Variants in KHDRBS2 observed in about 807,000 individuals in gnomAD.
KHDRBS2 encodes KH RNA binding domain containing, signal transduction associated 2.
Under a neutral mutation model 44.3 loss-of-function variants are expected in KHDRBS2, and 26 were observed. That is an observed-to-expected ratio of 0.59 (90% CI 0.43 to 0.81). The LOEUF (loss-of-function observed/expected upper bound fraction) is 0.81, where lower values mean the gene tolerates loss of function less well. KHDRBS2 is among the 40% of genes least tolerant of loss of function. KHDRBS2 has a pLI of 0.00. For synonymous variants in KHDRBS2, 194 were observed against 151.1 expected (o/e 1.28, Z -2.08); for missense variants, 476 against 433.1 (o/e 1.10, Z -0.88).
chr6:61,975,864 G>A (rs1209167306), intron 4 of KHDRBS2, among the ~76,000 whole-genome samples: 3 of 152,120 alleles, frequency 2.0e-5, no homozygotes, highest in Non-Finnish European at 4.4e-5. Flanking sequence ...TGTGGTTGGG[G>A]AAGAGTTTTC....
intron 6 of KHDRBS2, among the ~76,000 whole-genome samples, chr6:61,893,795 T>G (rs1204710548): frequency 6.6e-6 from 1 of 152,064 alleles, no homozygotes; most frequent in Non-Finnish European, 1.5e-5. Flanking sequence ...ATATACCTAA[T>G]GTAAATGATG....
At chr6:61,768,639 C>T (rs183532948) in intron 6 of KHDRBS2, among the ~76,000 whole-genome samples, 13 of 152,036 alleles carry the variant, frequency 8.6e-5, no homozygotes, top group Non-Finnish European at 1.6e-4. Flanking sequence ...AGTTATGCTG[C>T]TAGGAGACTC....
intron 2 of KHDRBS2, among the ~76,000 whole-genome samples, chr6:62,132,712 T>C (rs555768525): frequency 6.6e-6 from 1 of 152,278 alleles, no homozygotes; most frequent in South Asian, 2.1e-4. Context: ...AGTAGAAACA[T>C]AAAACATGGC....
At chr6:62,136,059 C>G (rs77983648) in intron 2 of KHDRBS2, among the ~76,000 whole-genome samples, 4 of 94,796 alleles carry the variant, frequency 4.2e-5, no homozygotes, top group African/African-American at 1.2e-4. Flanking sequence ...ATTCTCACCA[C>G]AAAAAAAAAA....
At chr6:62,095,199 T>C (rs528936877) in intron 2 of KHDRBS2, among the ~76,000 whole-genome samples, 1 of 151,900 alleles carries the variant, frequency 6.6e-6, no homozygotes, top group Non-Finnish European at 1.5e-5. Flanking sequence ...CCTTTCACAA[T>C]AGCTATGAAA....
At chr6:61,765,558 G>A (rs1369417658) in intron 6 of KHDRBS2, among the ~76,000 whole-genome samples, 1 of 151,912 alleles carries the variant, frequency 6.6e-6, no homozygotes, top group Non-Finnish European at 1.5e-5. Context: ...GTATATTTAT[G>A]GGATATGGAT....
chr6:62,183,943 A>G (rs1300043771), intron 1 of KHDRBS2, among the ~76,000 whole-genome samples: 1 of 151,708 alleles, frequency 6.6e-6, no homozygotes, highest in Non-Finnish European at 1.5e-5. Context: ...TAAATGGAAC[A>G]CGGACAACTT....
chr6:62,104,293 C>T (rs1802611293), intron 2 of KHDRBS2, among the ~76,000 whole-genome samples: 1 of 149,252 alleles, frequency 6.7e-6, no homozygotes, highest in Admixed American at 6.7e-5. Flanking sequence ...TTAAATAAGT[C>T]TTTTTTTTTT....
At chr6:62,053,006 A>G (rs1350031823) in intron 2 of KHDRBS2, among the ~76,000 whole-genome samples, 1 of 152,040 alleles carries the variant, frequency 6.6e-6, no homozygotes, top group Non-Finnish European at 1.5e-5. Context: ...CAAAACCTAA[A>G]AAAATAATGG....
the KHDRBS2 span, among the ~76,000 whole-genome samples, chr6:61,578,521 G>A: frequency 6.6e-6 from 1 of 152,090 alleles, no homozygotes; most frequent in Non-Finnish European, 1.5e-5. Flanking sequence ...CGGGTAAAAT[G>A]TTCCAGATAT....
chr6:61,748,758 TATA>T (rs1431064011), intron 6 of KHDRBS2, among the ~76,000 whole-genome samples: 2 of 152,164 alleles, frequency 1.3e-5, no homozygotes, highest in Middle Eastern at 3.4e-3. Context: ...TGTGTTTGTT[TATA>T]ATGTTAAAAC....
chr6:62,220,863 C>T (rs935757571), intron 1 of KHDRBS2, among the ~76,000 whole-genome samples: 4 of 151,404 alleles, frequency 2.6e-5, no homozygotes, highest in African/African-American at 4.8e-5. Context: ...ATTAAAGCTC[C>T]AATTTAAAGA....
chr6:61,568,444 G>A, the KHDRBS2 span, among the ~76,000 whole-genome samples: 2 of 152,124 alleles, frequency 1.3e-5, no homozygotes, highest in South Asian at 4.1e-4. Context: ...CTCTGACTTG[G>A]ATGAACAGAA....
intron 6 of KHDRBS2, among the ~76,000 whole-genome samples, chr6:61,863,315 T>C (rs1414866015): frequency 6.6e-6 from 1 of 151,908 alleles, no homozygotes; most frequent in East Asian, 1.9e-4. Context: ...TCTTGGTTAT[T>C]TCTTTCTTCT....
chr6:61,648,808 T>C, the KHDRBS2 span, among the ~76,000 whole-genome samples: 3 of 152,128 alleles, frequency 2.0e-5, no homozygotes, highest in Non-Finnish European at 4.4e-5. Context: ...TTACTGGATC[T>C]CAAATTTTAT....
In KHDRBS2 at chr6:62,197,185, A is replaced by T. The variant is rs573680228; in HGVS notation, c.92-19873T>A. Among the ~76,000 whole-genome samples, 975 of 152,208 alleles carry T rather than the reference A, an allele frequency of 6.4e-3. 5 individuals carry two copies. Among genetic ancestry groups the T allele is most frequent in the Non-Finnish European group, 0.01 (680 of 67,998 alleles). On this transcript the variant is annotated intron_variant, in intron 1 of 8. Coordinates refer to ENST00000281156, the MANE Select transcript of KHDRBS2 (RefSeq NM_152688.4). ...CAAAAATGGGTATTAAATTATAGTA[A>T]ATGAATTTGTCATATATAGTAAATT...
chr6:61,579,201 C>T, the KHDRBS2 span, among the ~76,000 whole-genome samples: 1 of 152,110 alleles, frequency 6.6e-6, no homozygotes. Flanking sequence ...TTATTCTGTG[C>T]CCAGCTCAGT....
intron 4 of KHDRBS2, among the ~76,000 whole-genome samples, chr6:61,946,513 T>C (rs1183488075): frequency 1.3e-5 from 2 of 152,136 alleles, no homozygotes; most frequent in Non-Finnish European, 2.9e-5. Flanking sequence ...AACCTACTTT[T>C]TAAGTTAAAA....
intron 1 of KHDRBS2, among the ~76,000 whole-genome samples, chr6:62,214,030 C>G (rs527680582): frequency 1.2e-4 from 18 of 151,762 alleles, no homozygotes; most frequent in African/African-American, 4.4e-4. Context: ...TAGAAAATAG[C>G]TAACAAACTA....
Sources: gnomAD v4.1 joint callset for allele counts (sites outside exome capture counted in the v4.1 genomes callset) on GRCh38, gnomAD v4.1.1 for gene constraint, MANE v1.5 for transcripts, NCBI Gene and HGNC (gene_info 2026-07-23, HGNC 2026-07-21) for gene names.